Variants in RPL31 observed in about 807,000 individuals in gnomAD.
RPL31 encodes ribosomal protein L31.
For synonymous variants in RPL31, 51 were observed against 55.0 expected, an observed-to-expected ratio of 0.93 and a Z score of 0.32; for missense variants, 95 against 164.0, an observed-to-expected ratio of 0.58 and a Z score of 2.30.
chr2:101,014,873 C>T (rs748920045), intron 4 of RPL31, among the ~76,000 whole-genome samples: 3 of 152,188 alleles, frequency 2.0e-5, no homozygotes, highest in African/African-American at 7.2e-5. Context: ...GTCACATGCT[C>T]TCTATCTTTG....
downstream of RPL31, chr2:101,007,652 A>T (rs1678827209): frequency 3.0e-6 from 2 of 671,296 alleles, no homozygotes; most frequent in East Asian, 5.2e-5. Context: ...AATACATAGA[A>T]ATGCTTGAGG....
intron 4 of RPL31, among the ~76,000 whole-genome samples, chr2:101,012,428 G>A (rs943923134): frequency 9.8e-5 from 15 of 152,338 alleles, no homozygotes; most frequent in Admixed American, 9.1e-4. Context: ...CATGCTAGGT[G>A]AGAGAAGTCG....
At chr2:101,011,944 A>G (rs1317768479), downstream of RPL31, among the ~76,000 whole-genome samples, 1 of 152,220 alleles carries the variant, frequency 6.6e-6, no homozygotes, top group Non-Finnish European at 1.5e-5. Flanking sequence ...TAATGATGTT[A>G]AACTTTTCAG....
At chr2:101,018,023 C>CTA (rs1172313508) in intron 4 of RPL31, 1 of 1,270,420 alleles carries the variant, frequency 7.9e-7, no homozygotes, top group East Asian at 2.5e-5. Flanking sequence ...TGTGCTCATT[C>CTA]TACATATCAA....
chr2:101,005,772 T>G, intron 3 of RPL31, 187 bp from the exon 4 acceptor site: 1 of 600,366 alleles, frequency 1.7e-6, no homozygotes, highest in South Asian at 2.1e-5. Context: ...ATCCCTCCTG[T>G]GGTAACAGCA....
chr2:101,017,377 A>G (rs984725612), intron 4 of RPL31, among the ~76,000 whole-genome samples: 6 of 152,204 alleles, frequency 3.9e-5, no homozygotes, highest in African/African-American at 4.8e-5. Context: ...TAGGTGTTAC[A>G]TGTAATTTTA....
At chr2:101,019,535 T>G (rs1449738219) in exon 5 of RPL31, 1 of 152,976 alleles carries the variant, frequency 6.5e-6, no homozygotes, top group African/African-American at 2.4e-5. Context: ...TTTAACTGCA[T>G]CAAAAATTCA....
At chr2:101,013,284 CAGA>C (rs1294134833) in intron 4 of RPL31, among the ~76,000 whole-genome samples, 54 of 152,282 alleles carry the variant, frequency 3.5e-4, no homozygotes, top group Non-Finnish European at 1.3e-4. Context: ...TATTGATGAT[CAGA>C]AGGATAGGAT....
At chr2:101,008,211 A>T (rs1223811284), downstream of RPL31, 2 of 1,604,880 alleles carry the variant, frequency 1.2e-6, no homozygotes, top group Non-Finnish European at 1.7e-6. Context: ...GATACAAATC[A>T]TTTTCTTCTG....
chr2:101,003,093 C>T (rs1005925178), intron 2 of RPL31, among the ~76,000 whole-genome samples: 2 of 152,214 alleles, frequency 1.3e-5, no homozygotes, highest in Non-Finnish European at 2.9e-5. Flanking sequence ...GTGGTCTATT[C>T]TCAGATCCTC....
intron 2 of RPL31, among the ~76,000 whole-genome samples, chr2:101,003,516 C>T (rs1470152272): frequency 6.6e-6 from 1 of 152,208 alleles, no homozygotes; most frequent in Non-Finnish European, 1.5e-5. Context: ...TTGTCTTTCT[C>T]TGTAGTACTA....
At chr2:101,004,499 G>A (rs1240914172) in intron 3 of RPL31, 2 of 539,700 alleles carry the variant, frequency 3.7e-6, no homozygotes, top group Admixed American at 3.5e-5. Flanking sequence ...GGAGCCAGCA[G>A]TGTAGGGTGG....
rs368817357 is a variant in RPL31 at position 101,004,191 on chromosome 2, A to G, written c.141A>G (p.Lys47=). 3 of 1,614,018 alleles carry G rather than the reference A, an allele frequency of 1.9e-6. No homozygotes were observed. The highest frequency in any genetic ancestry group is 2.5e-6 in the Non-Finnish European group (3 of 1,179,894). Reference sequence around the variant, plus strand: ...AGAAGCGTGCACCTCGGGCACTCAAAGAGATTCGGAAATTTGCCATGAAGG... The same window carrying G: ...AGAAGCGTGCACCTCGGGCACTCAAGGAGATTCGGAAATTTGCCATGAAGG... ...GFKKRAPRAL[K]EIRKFAMKEM... is the part of the protein sequence containing the mutation. The change falls in exon 3 of 5, where the codon AAA becomes AAG. Residue 47 remains lysine, a synonymous_variant. Coordinates refer to ENST00000264258, the MANE Select transcript of RPL31 (RefSeq NM_000993.5).
intron 2 of RPL31, among the ~76,000 whole-genome samples, chr2:101,003,729 T>C (rs992119194): frequency 1.3e-5 from 2 of 152,236 alleles, no homozygotes; most frequent in Admixed American, 6.5e-5. Flanking sequence ...TTCAGGCCCC[T>C]GCTCTTTAAG....
At chr2:101,009,168 C>T (rs558225192), downstream of RPL31, among the ~76,000 whole-genome samples, 1 of 152,168 alleles carries the variant, frequency 6.6e-6, no homozygotes, top group East Asian at 1.9e-4. Flanking sequence ...CCAAGGCAGG[C>T]GGATCACGAG....
At chr2:101,019,204 CTGA>C in exon 5 of RPL31, 1 of 772,676 alleles carries the variant, frequency 1.3e-6, no homozygotes. Flanking sequence ...CAACAAGGTA[CTGA>C]TGTCTTCTGC....
At chr2:101,017,442 A>C (rs950144609) in intron 4 of RPL31, among the ~76,000 whole-genome samples, 6 of 152,218 alleles carry the variant, frequency 3.9e-5, no homozygotes, top group African/African-American at 1.4e-4. Context: ...CATCATCACA[A>C]AAACATCAGT....
chr2:101,004,177 C>T lies in RPL31; in HGVS notation c.127C>T (p.Pro43Ser), dbSNP rs764287772. ...TCGTAGGGGCTTCAAGAAGCGTGCA[C>T]CTCGGGCACTCAAAGAGATTCGGAA... The part of the protein sequence containing the change: ...IHGVGFKKRA[P>S]RALKEIRKFA... Residue 43 changes from proline (P) to serine (S), a missense_variant, in exon 3 of 5, where the codon CCT (proline) becomes TCT (serine). Pro to Ser is a moderately conservative substitution (Grantham distance 74). Coordinates refer to ENST00000264258, the MANE Select transcript of RPL31 (RefSeq NM_000993.5). 1.2e-6 allele frequency: 2 copies of T among 1,613,906 alleles called. No homozygotes were observed. Among genetic ancestry groups the T allele is most frequent in the Admixed American group, 3.3e-5 (2 of 59,992 alleles).
At chr2:101,002,611 C>T in intron 1 of RPL31, 91 bp from the exon 2 acceptor site, 2 of 1,075,974 alleles carry the variant, frequency 1.9e-6, no homozygotes, top group Admixed American at 1.9e-5. Flanking sequence ...CACCTGGAAG[C>T]GCCCCGAGAG....
Sources: allele counts gnomAD v4.1 joint callset (sites outside exome capture counted in the v4.1 genomes callset), GRCh38; gene constraint gnomAD v4.1.1; transcripts MANE v1.5; gene names NCBI Gene and HGNC (gene_info 2026-07-23, HGNC 2026-07-21).